The following SLAMF9 variants were observed in gnomAD, a reference collection of about 807,000 sequenced individuals.
The protein encoded by SLAMF9 is CD2 family member 10.
In SLAMF9, 25 loss-of-function variants were observed where a neutral mutation model predicts 30.4. That is an observed-to-expected ratio of 0.82 (90% confidence interval 0.60 to 1.15). The LOEUF (loss-of-function observed/expected upper bound fraction) is 1.15, where lower values mean the gene tolerates loss of function less well. Ranked by LOEUF, SLAMF9 falls within the 50% of genes most tolerant of loss-of-function variation. SLAMF9 has a pLI of 0.00. For missense variants in SLAMF9, 344 were observed against 346.1 expected, an observed-to-expected ratio of 0.99 and a Z score of 0.05; for synonymous variants, 129 against 127.2, an observed-to-expected ratio of 1.01 and a Z score of -0.09.
At chr1:159,981,538 AG>A in the SLAMF9 span, among the ~76,000 whole-genome samples, 5 of 152,202 alleles carry the variant, frequency 3.3e-5, no homozygotes, top group African/African-American at 1.2e-4. Flanking sequence ...TTCCCAGACC[AG>A]GGGGTGCTGG....
At chr1:159,955,815 G>A (rs1651910632), upstream of SLAMF9, among the ~76,000 whole-genome samples, 1 of 152,142 alleles carries the variant, frequency 6.6e-6, no homozygotes, top group Non-Finnish European at 1.5e-5. Context: ...TTCAAAGATT[G>A]GTAGAATCTG....
the SLAMF9 span, chr1:159,978,754 A>G: frequency 1.3e-5 from 2 of 152,356 alleles, no homozygotes; most frequent in Admixed American, 1.3e-4. Flanking sequence ...TATGCAGTCC[A>G]GCTGCCCTCC....
At chr1:159,981,890 G>C in the SLAMF9 span, among the ~76,000 whole-genome samples, 1 of 152,248 alleles carries the variant, frequency 6.6e-6, no homozygotes, top group African/African-American at 2.4e-5. Context: ...CTGCACCACA[G>C]TTTGAGGATC....
upstream of SLAMF9, among the ~76,000 whole-genome samples, chr1:159,956,756 T>C (rs544972370): frequency 1.3e-5 from 2 of 152,292 alleles, no homozygotes; most frequent in Admixed American, 6.5e-5. Flanking sequence ...GAGGACATTA[T>C]GTTTAGTGAA....
intron 1 of SLAMF9, among the ~76,000 whole-genome samples, chr1:159,953,864 C>A (rs999618315): frequency 3.3e-5 from 5 of 152,356 alleles, no homozygotes; most frequent in Admixed American, 2.0e-4. Context: ...TCTGTCCCTT[C>A]ACCCTCCAAG....
At chr1:159,961,981 A>AC in the SLAMF9 span, among the ~76,000 whole-genome samples, 1 of 151,510 alleles carries the variant, frequency 6.6e-6, no homozygotes, top group African/African-American at 2.4e-5. Flanking sequence ...ACATGGTGAA[A>AC]CCCCCGTCTC....
chr1:159,963,123 A>T, the SLAMF9 span, among the ~76,000 whole-genome samples: 1 of 152,160 alleles, frequency 6.6e-6, no homozygotes, highest in African/African-American at 2.4e-5. Context: ...TACCCGCTTT[A>T]TAGGGTGGTT....
chr1:159,951,934 C>T, intron 3 of SLAMF9, 68 bp from the exon 4 acceptor site: 1 of 1,396,696 alleles, frequency 7.2e-7, no homozygotes, highest in Admixed American at 1.9e-5. Context: ...GGGCAGACTC[C>T]TACCCAAATT....
chr1:159,975,829 G>A, the SLAMF9 span, among the ~76,000 whole-genome samples: 1 of 152,154 alleles, frequency 6.6e-6, no homozygotes, highest in Non-Finnish European at 1.5e-5. Flanking sequence ...GCAAAAGAGA[G>A]GGAGGAATTC....
the SLAMF9 span, among the ~76,000 whole-genome samples, chr1:159,969,964 C>T: frequency 1.9e-4 from 29 of 152,114 alleles, no homozygotes; most frequent in Middle Eastern, 3.4e-3. Context: ...ATGGGAGGAT[C>T]GCTTGAGCCC....
upstream of SLAMF9, among the ~76,000 whole-genome samples, chr1:159,958,117 T>C (rs12144158): frequency 0.15 from 23,294 of 152,218 alleles, 2,220 homozygotes; most frequent in African/African-American, 0.26. Flanking sequence ...AAGACTGTCC[T>C]GGTGCCAGGA....
chr1:159,956,848 G>C (rs957227700), upstream of SLAMF9, among the ~76,000 whole-genome samples: 2 of 151,504 alleles, frequency 1.3e-5, no homozygotes, highest in Non-Finnish European at 2.9e-5. Context: ...GGCCAGGCAC[G>C]GTGGCTCACA....
At chr1:159,972,027 G>A in the SLAMF9 span, among the ~76,000 whole-genome samples, 1 of 152,148 alleles carries the variant, frequency 6.6e-6, no homozygotes, top group Non-Finnish European at 1.5e-5. Context: ...GCTCACCCCA[G>A]CAGCAAACGG....
the SLAMF9 span, among the ~76,000 whole-genome samples, chr1:159,971,752 C>T: frequency 1.3e-5 from 2 of 152,228 alleles, no homozygotes; most frequent in East Asian, 3.9e-4. Context: ...GGCGTCCTGG[C>T]AGCTTTGCAG....
At chr1:159,963,346 G>A in the SLAMF9 span, among the ~76,000 whole-genome samples, 18,534 of 152,124 alleles carry the variant, frequency 0.12, 1,343 homozygotes, top group African/African-American at 0.2. Flanking sequence ...CATAAGACAC[G>A]AGAATAGGTT....
chr1:159,956,477 G>A (rs1651924869), upstream of SLAMF9, among the ~76,000 whole-genome samples: 1 of 151,886 alleles, frequency 6.6e-6, no homozygotes, highest in Non-Finnish European at 1.5e-5. Context: ...TCTACTCCCA[G>A]CCAGGGGTAA....
At chr1:159,958,815 A>T (rs1262158833), upstream of SLAMF9, among the ~76,000 whole-genome samples, 1 of 151,840 alleles carries the variant, frequency 6.6e-6, no homozygotes, top group Non-Finnish European at 1.5e-5. Flanking sequence ...TAGAACTTCA[A>T]TTTTTTTCTC....
the SLAMF9 span, among the ~76,000 whole-genome samples, chr1:159,971,289 C>T: frequency 1.3e-5 from 2 of 152,152 alleles, no homozygotes; most frequent in South Asian, 2.1e-4. Flanking sequence ...CAGCCCACAG[C>T]GGAGGGCAAA....
intron 2 of SLAMF9, 93 bp downstream of exon 2, chr1:159,953,216 C>T (rs1651821450): frequency 4.7e-6 from 5 of 1,073,706 alleles, no homozygotes; most frequent in Non-Finnish European, 6.9e-6. Flanking sequence ...GCCCCTCAAA[C>T]CATAACCCCA....
Sources: allele counts gnomAD v4.1 joint callset (sites outside exome capture counted in the v4.1 genomes callset), GRCh38; gene constraint gnomAD v4.1.1; transcripts MANE v1.5; gene names NCBI Gene and HGNC (gene_info 2026-07-23, HGNC 2026-07-21).